CTNNA2: variants seen among roughly 807,000 people sequenced by gnomAD.
CTNNA2 encodes the protein catenin alpha-2.
Under a neutral mutation model 101.0 loss-of-function variants are expected in CTNNA2, and 42 were observed. The ratio of observed to expected loss-of-function variants is 0.42; its 90% CI spans 0.32 to 0.54. The LOEUF (loss-of-function observed/expected upper bound fraction) is 0.54, where lower values mean the gene tolerates loss of function less well. Among genes scored for constraint, CTNNA2 ranks in the 20% least tolerant of loss-of-function variants. The pLI, the probability that CTNNA2 is intolerant of heterozygous loss-of-function variation, is 0.14. For synonymous variants in CTNNA2, 450 were observed against 456.4 expected (o/e 0.99, Z 0.18); for missense variants, 871 against 1,223.1 (o/e 0.71, Z 4.29).
chr2:80,260,513 G>A (rs1672526934), intron 7 of CTNNA2, among the ~76,000 whole-genome samples: 1 of 152,138 alleles, frequency 6.6e-6, no homozygotes, highest in African/African-American at 2.4e-5. Context: ...GGCTACATCT[G>A]TTTATTTGCA....
At chr2:79,333,766 G>A (rs1265394780) in intron 3 of CTNNA2, among the ~76,000 whole-genome samples, 3 of 152,006 alleles carry the variant, frequency 2.0e-5, no homozygotes, top group African/African-American at 7.2e-5. Flanking sequence ...TGTTTAAAGT[G>A]TAACATGAAA....
At chr2:80,156,611 G>A (rs1704008671) in intron 7 of CTNNA2, among the ~76,000 whole-genome samples, 2 of 152,204 alleles carry the variant, frequency 1.3e-5, no homozygotes, top group South Asian at 4.1e-4. Context: ...TAGTGGACTA[G>A]AGAAATTGAG....
intron 2 of CTNNA2, among the ~76,000 whole-genome samples, chr2:79,279,669 C>CT (rs1370887194): frequency 6.6e-6 from 1 of 152,028 alleles, no homozygotes; most frequent in African/African-American, 2.4e-5. Context: ...AAAATGACTG[C>CT]TTTTTTGATT....
chr2:80,586,795 T>TATCCAA (rs1696011745), intron 14 of CTNNA2, among the ~76,000 whole-genome samples: 1 of 152,216 alleles, frequency 6.6e-6, no homozygotes, highest in African/African-American at 2.4e-5. Context: ...TACACACGCA[T>TATCCAA]ATCCAAACAT....
chr2:79,956,843 G>GTTTTTTTTTTCTTTTTTCTT (rs1302247404), intron 7 of CTNNA2, among the ~76,000 whole-genome samples: 1 of 98,936 alleles, frequency 1.0e-5, no homozygotes. Context: ...ATACGTGTGG[G>GTTTTTTTTTTCTTTTTTCTT]TTTTTTTTTT....
At chr2:79,568,246 G>A (rs547843164) in intron 1 of CTNNA2, among the ~76,000 whole-genome samples, 1 of 152,236 alleles carries the variant, frequency 6.6e-6, no homozygotes. Context: ...ATTCTGAACT[G>A]TACTTTCCTG....
intron 2 of CTNNA2, among the ~76,000 whole-genome samples, chr2:79,720,759 A>G (rs1686427677): frequency 1.3e-5 from 2 of 152,118 alleles, no homozygotes; most frequent in African/African-American, 4.8e-5. Flanking sequence ...CCTGTTTATC[A>G]GTTCTAATAG....
At chr2:80,190,385 C>G (rs1706414614) in intron 7 of CTNNA2, among the ~76,000 whole-genome samples, 1 of 152,136 alleles carries the variant, frequency 6.6e-6, no homozygotes, top group Admixed American at 6.5e-5. Context: ...CACCTGCAAA[C>G]AGCATGCGGT....
chr2:79,988,466 A>ATGTGTGTG (rs70940067), intron 7 of CTNNA2, among the ~76,000 whole-genome samples: 2,013 of 149,092 alleles, frequency 0.014, 27 homozygotes, highest in East Asian at 0.026. Flanking sequence ...GTGTATGTGT[A>ATGTGTGTG]TGTGTGTGTG....
intron 7 of CTNNA2, among the ~76,000 whole-genome samples, chr2:79,977,874 T>G (rs1207505081): frequency 1.3e-5 from 2 of 152,102 alleles, no homozygotes; most frequent in African/African-American, 4.8e-5. Flanking sequence ...CTTCTCAGCC[T>G]CAATTCAACT....
chr2:79,245,551 C>A (rs1358648959), intron 2 of CTNNA2, among the ~76,000 whole-genome samples: 2 of 152,188 alleles, frequency 1.3e-5, no homozygotes, highest in East Asian at 3.9e-4. Flanking sequence ...GACCCAGACC[C>A]TCCCAGGAAG....
intron 7 of CTNNA2, among the ~76,000 whole-genome samples, chr2:80,242,110 C>A (rs1447962957): frequency 2.0e-5 from 3 of 152,122 alleles, no homozygotes; most frequent in Non-Finnish European, 2.9e-5. Flanking sequence ...TCTCTGAATT[C>A]CATAAAAGAG....
At chr2:79,809,039 G>A (rs1676801892) in intron 3 of CTNNA2, among the ~76,000 whole-genome samples, 1 of 152,142 alleles carries the variant, frequency 6.6e-6, no homozygotes, top group South Asian at 2.1e-4. Context: ...AACATGCGGT[G>A]TTTGGTTTTC....
At chr2:79,303,796 A>T (rs984382918) in intron 2 of CTNNA2, among the ~76,000 whole-genome samples, 6 of 151,896 alleles carry the variant, frequency 4.0e-5, no homozygotes, top group African/African-American at 1.5e-4. Context: ...CACAGGACCA[A>T]TGGGAAGTGG....
intron 7 of CTNNA2, among the ~76,000 whole-genome samples, chr2:80,326,573 C>A (rs907850693): frequency 3.3e-5 from 5 of 152,038 alleles, no homozygotes; most frequent in Admixed American, 6.5e-5. Flanking sequence ...ACTCCATTAG[C>A]ATCTGACTGT....
chr2:80,483,330 G>A (rs7588178), intron 9 of CTNNA2, among the ~76,000 whole-genome samples: 1 of 149,282 alleles, frequency 6.7e-6, no homozygotes, highest in Admixed American at 6.7e-5. Context: ...CAGATGATTT[G>A]CAGTCTCTTT....
chr2:79,592,001 A>G (rs918534585), intron 1 of CTNNA2, among the ~76,000 whole-genome samples: 1 of 147,782 alleles, frequency 6.8e-6, no homozygotes, highest in African/African-American at 2.5e-5. Flanking sequence ...GATGGTTTCC[A>G]TATTTCTCCT....
At chr2:79,315,715 T>C (rs1222912159) in intron 3 of CTNNA2, among the ~76,000 whole-genome samples, 1 of 152,182 alleles carries the variant, frequency 6.6e-6, no homozygotes, top group Non-Finnish European at 1.5e-5. Context: ...CTACTATGAA[T>C]ATCCACGCAC....
chr2:80,515,331 G>GA (rs528435870), intron 9 of CTNNA2, among the ~76,000 whole-genome samples: 2 of 151,540 alleles, frequency 1.3e-5, no homozygotes, highest in African/African-American at 4.8e-5. Context: ...CTTCCCATAT[G>GA]AAAAAAAGAT....
Sources: allele counts gnomAD v4.1 joint callset (sites outside exome capture counted in the v4.1 genomes callset), GRCh38; gene constraint gnomAD v4.1.1; transcripts MANE v1.5; gene names NCBI Gene and HGNC (gene_info 2026-07-23, HGNC 2026-07-21).